WIF1: variants seen among roughly 807,000 people sequenced by gnomAD.
WIF1 encodes Wnt inhibitory factor 1.
WIF1 carries 35 observed loss-of-function variants against 53.5 expected under a neutral mutation model. The ratio of observed to expected loss-of-function variants is 0.65; its 90% CI spans 0.50 to 0.87. WIF1 has a LOEUF of 0.87. Ranked by LOEUF, WIF1 falls within the 40% of genes least tolerant of loss-of-function variation. WIF1 has a pLI of 0.00. For synonymous variants in WIF1, 171 were observed against 170.4 expected, an observed-to-expected ratio of 1.00 and a Z score of -0.03; for missense variants, 467 against 476.8, an observed-to-expected ratio of 0.98 and a Z score of 0.19.
Position 65,062,490 on chromosome 12 carries a change from A to T in WIF1, c.817T>A (p.Cys273Ser). The change falls in exon 7 of 10, where the codon TGT becomes AGT. Residue 273 changes from cysteine (C) to serine (S), a missense_variant. By Grantham distance (112) the Cys-to-Ser change is moderately radical (BLOSUM62 -1). Transcript: ENST00000286574. ...ICPPGLEGEQ[C>S]EISKCPQPCR... ...GAAAGTCAATACTCACTGATTTCAC[A>T]CTGCTCTCCCTCTAGTCCTGGAGGG... The T allele has an allele frequency of 1.9e-6, 3 of 1,605,312 alleles. No individual in the cohort carries two copies. The highest frequency in any genetic ancestry group is 2.6e-6 in the Non-Finnish European group (3 of 1,174,808).
In WIF1 at chr12:65,068,815, T is replaced by C. The variant is rs528443855; in HGVS notation, c.487A>G (p.Thr163Ala). Residue 163 changes from threonine (T) to alanine (A), a missense_variant, in exon 4 of 10, where the codon ACC (threonine) becomes GCC (alanine). Transcript: ENST00000286574. ...DVIVMNSEGN[T>A]ILQTPQNAIF... ...GCATTTTGAGGTGTTTGGAGAATGG[T>C]GTTGCCTTCAGAATTCATAACAATC... 22 of 1,613,766 alleles carry C rather than the reference T, an allele frequency of 1.4e-5. No homozygotes were observed. The East Asian group carries it at 3.8e-4, about 28-fold the overall frequency.
At chr12:65,061,426 A>C (rs967494640) in intron 7 of WIF1, among the ~76,000 whole-genome samples, 5 of 152,214 alleles carry the variant, frequency 3.3e-5, no homozygotes, top group African/African-American at 1.2e-4. Context: ...CAAGAAAGGC[A>C]GGGACACAGG....
chr12:65,080,720 T>C (rs1010210360), intron 2 of WIF1, among the ~76,000 whole-genome samples: 4 of 152,178 alleles, frequency 2.6e-5, no homozygotes, highest in Admixed American at 6.6e-5. Context: ...AACTTGGGTG[T>C]AATGCACACC....
At chr12:65,108,383 A>T (rs1423062177) in intron 2 of WIF1, among the ~76,000 whole-genome samples, 1 of 152,208 alleles carries the variant, frequency 6.6e-6, no homozygotes, top group Non-Finnish European at 1.5e-5. Flanking sequence ...TTCATGTCTT[A>T]GCTTCAGAGT....
chr12:65,096,975 C>G (rs1883214005), intron 2 of WIF1, among the ~76,000 whole-genome samples: 1 of 149,916 alleles, frequency 6.7e-6, no homozygotes. Context: ...CACATGTATA[C>G]CTGTGTAACA....
At chr12:65,108,827 C>A (rs1476370685) in intron 2 of WIF1, among the ~76,000 whole-genome samples, 1 of 152,206 alleles carries the variant, frequency 6.6e-6, no homozygotes, top group Non-Finnish European at 1.5e-5. Flanking sequence ...TAGAGTCCTA[C>A]CTTACATTTA....
At chr12:65,060,266 C>T (rs1312418398) in intron 7 of WIF1, among the ~76,000 whole-genome samples, 3 of 152,166 alleles carry the variant, frequency 2.0e-5, no homozygotes, top group Non-Finnish European at 4.4e-5. Context: ...CCATATTATT[C>T]GTAATAGCCC....
At chr12:65,052,785 G>A (rs1222707299) in intron 9 of WIF1, among the ~76,000 whole-genome samples, 1 of 152,170 alleles carries the variant, frequency 6.6e-6, no homozygotes, top group African/African-American at 2.4e-5. Flanking sequence ...CCAAGTGGGG[G>A]TGCTGTTTGG....
At chr12:65,096,730 C>T (rs929497282) in intron 2 of WIF1, among the ~76,000 whole-genome samples, 2 of 152,094 alleles carry the variant, frequency 1.3e-5, no homozygotes, top group Non-Finnish European at 2.9e-5. Flanking sequence ...ATGGATGAAG[C>T]TGGAAGCCAT....
Position 65,067,727 on chromosome 12 carries a change from G to C in WIF1, c.602C>G (p.Pro201Arg), listed in dbSNP as rs1333493333. ...ACAGTGAGGTCCGTGGAACCCATCA[G>C]GACACTCGCAGATGCGTCTTTCATT... ...FCNERRICEC[P>R]DGFHGPHCEK... The change falls in exon 5 of 10, where the codon CCT (proline) becomes CGT (arginine). Residue 201 changes from proline to arginine, a missense_variant. By Grantham distance (103) the Pro-to-Arg change is moderately radical. Coordinates refer to ENST00000286574, the MANE Select transcript of WIF1 (RefSeq NM_007191.5). 3 of 1,613,348 alleles carry C rather than the reference G, an allele frequency of 1.9e-6. No homozygotes were observed. The highest frequency in any genetic ancestry group is 2.5e-6 in the Non-Finnish European group (3 of 1,179,452).
chr12:65,051,501 G>GA (rs1882441512), intron 9 of WIF1, 31 bp from the exon 10 acceptor site: 2 of 1,544,164 alleles, frequency 1.3e-6, no homozygotes, highest in African/African-American at 2.8e-5. Context: ...TAAAAGGAAA[G>GA]AAACTACAAA....
intron 2 of WIF1, among the ~76,000 whole-genome samples, chr12:65,114,403 G>T (rs1251857155): frequency 1.3e-5 from 2 of 152,226 alleles, no homozygotes; most frequent in Non-Finnish European, 2.9e-5. Context: ...GAAATGGCCT[G>T]TTTCTGTTTT....
chr12:65,067,891 A>G (rs1009566905), intron 4 of WIF1, 101 bp from the exon 5 acceptor site: 141 of 955,908 alleles, frequency 1.5e-4, no homozygotes, highest in Non-Finnish European at 2.1e-4. Context: ...GTTCTAGCCC[A>G]CCAATTAATC....
At chr12:65,088,943 AACCAT>A (rs1883083368) in intron 2 of WIF1, among the ~76,000 whole-genome samples, 1 of 152,164 alleles carries the variant, frequency 6.6e-6, no homozygotes, top group South Asian at 2.1e-4. Flanking sequence ...AAAAGTTAAG[AACCAT>A]TGTCTTAAAT....
chr12:65,120,799 C>T (rs1883597124), intron 1 of WIF1: 3 of 777,198 alleles, frequency 3.9e-6, no homozygotes, highest in Non-Finnish European at 5.7e-6. Context: ...AAAAAAATGC[C>T]GGGTGCACCT....
At chr12:65,052,179 C>A (rs1414555588) in intron 9 of WIF1, among the ~76,000 whole-genome samples, 1 of 152,192 alleles carries the variant, frequency 6.6e-6, no homozygotes, top group Non-Finnish European at 1.5e-5. Context: ...TCCAAGGCAG[C>A]AAATTACATT....
chr12:65,058,160 A>C (rs959176), intron 7 of WIF1, among the ~76,000 whole-genome samples: 92,777 of 151,896 alleles, frequency 0.61, 28,743 homozygotes, highest in East Asian at 0.73. Flanking sequence ...AGCTCTCACC[A>C]AAAAGAAGGA....
In WIF1 at chr12:65,051,324, C is replaced by G. The variant is rs201198591; in HGVS notation, c.*25G>C. On this transcript the variant is annotated 3_prime_UTR_variant, in exon 10 of 10. Transcript: ENST00000286574. ...AACAAAGGCTATGAACTTGGTGTAACTTAAAACGTTTCAGATGTCGGAGTT... is the reference window on the plus strand; with the variant it reads ...AACAAAGGCTATGAACTTGGTGTAAGTTAAAACGTTTCAGATGTCGGAGTT... 27 of 1,607,592 alleles carry G rather than the reference C, an allele frequency of 1.7e-5. No individual in the cohort carries two copies. In the East Asian group the frequency reaches 5.1e-4, roughly 31 times the overall value.
intron 2 of WIF1, among the ~76,000 whole-genome samples, chr12:65,108,967 G>A (rs951708724): frequency 6.6e-6 from 1 of 152,134 alleles, no homozygotes; most frequent in Non-Finnish European, 1.5e-5. Context: ...CTACTTTTAA[G>A]CATTCGATGG....
Sources: gnomAD v4.1 joint callset for allele counts (sites outside exome capture counted in the v4.1 genomes callset) on GRCh38, gnomAD v4.1.1 for gene constraint, MANE v1.5 for transcripts, NCBI Gene and HGNC (gene_info 2026-07-23, HGNC 2026-07-21) for gene names.